Variants in TENM3 observed in about 807,000 individuals in gnomAD.
TENM3 encodes teneurin transmembrane protein 3, also known as teneurin-3.
TENM3 carries 63 observed loss-of-function variants against 255.1 expected under a neutral mutation model. The observed-to-expected ratio is 0.25, with a 90% CI of 0.20 to 0.30. The LOEUF (loss-of-function observed/expected upper bound fraction) is 0.30, where lower values mean the gene tolerates loss of function less well. Among genes scored for constraint, TENM3 ranks in the 10% least tolerant of loss-of-function variants. The pLI is 1.00. For missense variants in TENM3, 2,929 were observed against 3,461.1 expected (o/e 0.85, Z 3.86); for synonymous variants, 1,306 against 1,322.3 (o/e 0.99, Z 0.27).
the TENM3 span, among the ~76,000 whole-genome samples, chr4:182,127,318 T>C: frequency 0.025 from 3,858 of 152,302 alleles, 59 homozygotes; most frequent in Middle Eastern, 0.058. Flanking sequence ...ATGGATATGA[T>C]TATCAGCAGC....
the TENM3 span, among the ~76,000 whole-genome samples, chr4:181,473,926 G>T: frequency 6.7e-6 from 1 of 149,444 alleles, no homozygotes; most frequent in Admixed American, 6.7e-5. Context: ...AATATATACT[G>T]TATATATAAA....
chr4:182,777,858 T>C (rs1206690342), intron 24 of TENM3, among the ~76,000 whole-genome samples: 1 of 68,102 alleles, frequency 1.5e-5, no homozygotes, highest in East Asian at 4.7e-4. Context: ...TATGCTGTTA[T>C]ATATATATAT....
chr4:181,641,252 G>C, the TENM3 span, among the ~76,000 whole-genome samples: 1 of 151,460 alleles, frequency 6.6e-6, no homozygotes, highest in Admixed American at 6.6e-5. Context: ...TTGTTACATG[G>C]GTATACATGT....
chr4:181,536,090 C>T, the TENM3 span, among the ~76,000 whole-genome samples: 8 of 152,252 alleles, frequency 5.3e-5, no homozygotes, highest in Admixed American at 1.3e-4. Flanking sequence ...AAACCATCTC[C>T]GACTTGTTTG....
the TENM3 span, among the ~76,000 whole-genome samples, chr4:181,603,596 A>G: frequency 6.6e-6 from 1 of 152,076 alleles, no homozygotes; most frequent in Non-Finnish European, 1.5e-5. Context: ...CTAAAGTCTC[A>G]GTAAAAAATG....
At chr4:182,201,346 A>C (rs2149830560) in intron 1 of TENM3, among the ~76,000 whole-genome samples, 2 of 152,292 alleles carry the variant, frequency 1.3e-5, no homozygotes, top group Middle Eastern at 6.8e-3. Flanking sequence ...TTCACTGATA[A>C]CAGTGGAGCT....
the TENM3 span, among the ~76,000 whole-genome samples, chr4:181,948,093 A>T: frequency 0.019 from 2,912 of 152,310 alleles, 40 homozygotes; most frequent in Non-Finnish European, 0.027. Context: ...ACACAGTTTT[A>T]TTTGGTAACT....
the TENM3 span, among the ~76,000 whole-genome samples, chr4:181,466,695 C>T: frequency 6.6e-6 from 1 of 152,026 alleles, no homozygotes; most frequent in Non-Finnish European, 1.5e-5. Context: ...TTTCATATGG[C>T]TTTCTGATTT....
chr4:182,649,334 G>C lies in TENM3; in HGVS notation c.989-4437G>C, dbSNP rs773742742. On this transcript the variant is annotated intron_variant, in intron 5 of 27. Coordinates refer to ENST00000511685, the MANE Select transcript of TENM3 (RefSeq NM_001080477.4). Reference sequence around the variant, plus strand: ...AAAAAAAGAAGATAATGGACTTCAAGGTTTTTTAAATTGTGAAAAACACAC... The same window carrying C: ...AAAAAAAGAAGATAATGGACTTCAACGTTTTTTAAATTGTGAAAAACACAC... Among the ~76,000 whole-genome samples, 6 of 150,306 alleles carry C rather than the reference G, an allele frequency of 4.0e-5. 1 individual carries two copies. The East Asian group carries it at 6.1e-4, about 15-fold the overall frequency.
the TENM3 span, among the ~76,000 whole-genome samples, chr4:181,982,953 G>A: frequency 6.6e-6 from 1 of 152,102 alleles, no homozygotes; most frequent in Non-Finnish European, 1.5e-5. Context: ...ATAGGGTTGA[G>A]GTGATACCAA....
intron 1 of TENM3, among the ~76,000 whole-genome samples, chr4:182,164,254 C>T (rs1478450450): frequency 6.6e-6 from 1 of 152,186 alleles, no homozygotes; most frequent in Non-Finnish European, 1.5e-5. Flanking sequence ...CTGCAAACCT[C>T]ATCTTTCCTG....
At chr4:182,262,111 T>G (rs1758837605) in intron 1 of TENM3, among the ~76,000 whole-genome samples, 2 of 152,172 alleles carry the variant, frequency 1.3e-5, no homozygotes. Flanking sequence ...TGAAGATAAA[T>G]AAGGAAGAAC....
chr4:181,964,974 C>T, the TENM3 span, among the ~76,000 whole-genome samples: 159 of 152,138 alleles, frequency 1.0e-3, no homozygotes, highest in African/African-American at 3.7e-3. Context: ...AAAGTGTCTA[C>T]GCCAGTGAAA....
the TENM3 span, among the ~76,000 whole-genome samples, chr4:181,720,251 G>A: frequency 1.3e-5 from 2 of 152,030 alleles, no homozygotes; most frequent in Non-Finnish European, 2.9e-5. Flanking sequence ...AATAGACTAA[G>A]AATAAACACA....
chr4:182,241,518 C>CTTTTCTTTTT (rs1554036904), upstream of TENM3, among the ~76,000 whole-genome samples: 1 of 114,278 alleles, frequency 8.8e-6, no homozygotes, highest in African/African-American at 3.8e-5. Flanking sequence ...TTTTTTCTTT[C>CTTTTCTTTTT]TTTTTTTTTT....
chr4:182,451,674 A>G (rs1773473664), intron 3 of TENM3, among the ~76,000 whole-genome samples: 1 of 152,232 alleles, frequency 6.6e-6, no homozygotes, highest in African/African-American at 2.4e-5. Context: ...CACTACTGCA[A>G]GTAACAGAAA....
At chr4:181,589,437 A>G in the TENM3 span, among the ~76,000 whole-genome samples, 1 of 152,216 alleles carries the variant, frequency 6.6e-6, no homozygotes, top group Non-Finnish European at 1.5e-5. Context: ...TATGTACAAT[A>G]TACACACTTT....
At chr4:181,817,542 T>A in the TENM3 span, among the ~76,000 whole-genome samples, 1 of 152,222 alleles carries the variant, frequency 6.6e-6, no homozygotes, top group Non-Finnish European at 1.5e-5. Flanking sequence ...TCAGAATGTG[T>A]GTTCCCCAAA....
the TENM3 span, among the ~76,000 whole-genome samples, chr4:181,911,163 C>T: frequency 5.7e-4 from 87 of 152,280 alleles, no homozygotes; most frequent in Non-Finnish European, 1.1e-3. Context: ...AACACATGAT[C>T]GGTTAATGTG....
Sources: allele counts gnomAD v4.1 joint callset (sites outside exome capture counted in the v4.1 genomes callset), GRCh38; gene constraint gnomAD v4.1.1; transcripts MANE v1.5; gene names NCBI Gene and HGNC (gene_info 2026-07-23, HGNC 2026-07-21).